Variants in ZFPM2 observed in about 807,000 individuals in gnomAD.
ZFPM2 encodes the protein zinc finger protein ZFPM2.
Under a neutral mutation model 98.6 loss-of-function variants are expected in ZFPM2, and 20 were observed. That is an observed-to-expected ratio of 0.20 (90% CI 0.14 to 0.29). ZFPM2 has a LOEUF of 0.29. ZFPM2 is among the 10% of genes least tolerant of loss of function. The pLI, the probability that ZFPM2 is intolerant of heterozygous loss-of-function variation, is 1.00. For missense variants in ZFPM2, 1,310 were observed against 1,388.6 expected, an observed-to-expected ratio of 0.94 and a Z score of 0.90; for synonymous variants, 518 against 502.7, an observed-to-expected ratio of 1.03 and a Z score of -0.41.
intron 5 of ZFPM2, among the ~76,000 whole-genome samples, chr8:105,763,346 A>G (rs1403892674): frequency 1.3e-5 from 2 of 151,850 alleles, no homozygotes; most frequent in Non-Finnish European, 2.9e-5. Flanking sequence ...GAAATCAATG[A>G]TATAAATCAC....
intron 5 of ZFPM2, among the ~76,000 whole-genome samples, chr8:105,656,674 A>G (rs371693132): frequency 6.6e-6 from 1 of 152,338 alleles, no homozygotes; most frequent in Admixed American, 6.5e-5. Context: ...GGCTGTGTCA[A>G]TAGAAGAATC....
chr8:105,632,166 TTTGTTTTGTA>T (rs1478539583), intron 4 of ZFPM2, among the ~76,000 whole-genome samples: 2 of 151,926 alleles, frequency 1.3e-5, no homozygotes, highest in African/African-American at 2.4e-5. Flanking sequence ...TTTGTTTTGT[TTTGTTTTGTA>T]TTGTTTTGTT....
intron 1 of ZFPM2, among the ~76,000 whole-genome samples, chr8:105,355,696 A>C (rs1812728253): frequency 6.6e-6 from 1 of 152,318 alleles, no homozygotes; most frequent in East Asian, 1.9e-4. Flanking sequence ...TCACAAGCCC[A>C]TTCATGTATT....
chr8:105,402,668 A>G (rs565597492), intron 1 of ZFPM2, among the ~76,000 whole-genome samples: 1 of 151,948 alleles, frequency 6.6e-6, no homozygotes. Flanking sequence ...ATTAGTCCCA[A>G]CAAGCATTTA....
intron 3 of ZFPM2, among the ~76,000 whole-genome samples, chr8:105,489,197 C>T (rs16873161): frequency 0.045 from 6,771 of 151,764 alleles, 244 homozygotes; most frequent in Admixed American, 0.13. Flanking sequence ...ACTGTGTCAC[C>T]GCATAGTCAT....
intron 3 of ZFPM2, among the ~76,000 whole-genome samples, chr8:105,447,775 T>C (rs903186300): frequency 6.6e-6 from 1 of 152,080 alleles, no homozygotes; most frequent in Admixed American, 6.6e-5. Flanking sequence ...TAAAAGAGTT[T>C]GATTGACGAC....
At chr8:105,733,723 A>G (rs1811998933) in intron 5 of ZFPM2, among the ~76,000 whole-genome samples, 1 of 151,774 alleles carries the variant, frequency 6.6e-6, no homozygotes. Flanking sequence ...ATTAAATTCT[A>G]TTTACTTTAG....
At chr8:105,412,359 T>G (rs1486345416) in intron 1 of ZFPM2, among the ~76,000 whole-genome samples, 1 of 151,780 alleles carries the variant, frequency 6.6e-6, no homozygotes, top group Non-Finnish European at 1.5e-5. Flanking sequence ...TCAGGTAATT[T>G]CCTTCAACTT....
At chr8:105,673,001 G>A (rs1162170586) in intron 5 of ZFPM2, among the ~76,000 whole-genome samples, 4 of 152,082 alleles carry the variant, frequency 2.6e-5, no homozygotes, top group East Asian at 1.9e-4. Context: ...TTGCTGAAAC[G>A]CTTTACTTGG....
intron 5 of ZFPM2, among the ~76,000 whole-genome samples, chr8:105,726,673 G>C (rs370025250): frequency 6.6e-6 from 1 of 151,922 alleles, no homozygotes; most frequent in East Asian, 2.0e-4. Flanking sequence ...TCCATGGAGT[G>C]AAAGGATGCA....
At chr8:105,445,807 G>T (rs1047833691) in intron 3 of ZFPM2, among the ~76,000 whole-genome samples, 88 of 151,826 alleles carry the variant, frequency 5.8e-4, no homozygotes, top group Non-Finnish European at 6.9e-4. Context: ...GTCTCACCAC[G>T]TGGCCCAGGC....
chr8:105,406,087 A>C (rs1241283899), intron 1 of ZFPM2, among the ~76,000 whole-genome samples: 10 of 152,110 alleles, frequency 6.6e-5, no homozygotes, highest in Admixed American at 3.9e-4. Context: ...TCTTTTGAGA[A>C]GTGTCTGTTC....
At chr8:105,740,933 T>C (rs1812201364) in intron 5 of ZFPM2, among the ~76,000 whole-genome samples, 1 of 151,982 alleles carries the variant, frequency 6.6e-6, no homozygotes, top group South Asian at 2.1e-4. Context: ...AAAGAAACAT[T>C]TGAGAAATCT....
At chr8:105,504,810 G>A (rs1229466647) in intron 3 of ZFPM2, among the ~76,000 whole-genome samples, 2 of 152,062 alleles carry the variant, frequency 1.3e-5, no homozygotes, top group Non-Finnish European at 2.9e-5. Flanking sequence ...GTTTACTTGG[G>A]TTCCTAGGGA....
chr8:105,625,310 CAATA>C (rs970099122), intron 4 of ZFPM2, among the ~76,000 whole-genome samples: 22 of 151,998 alleles, frequency 1.4e-4, no homozygotes, highest in African/African-American at 5.3e-4. Flanking sequence ...ATTTCCCAAA[CAATA>C]AACACAAATA....
chr8:105,600,405 A>G (rs1816067158), intron 4 of ZFPM2, among the ~76,000 whole-genome samples: 1 of 152,154 alleles, frequency 6.6e-6, no homozygotes, highest in Non-Finnish European at 1.5e-5. Context: ...CTGCATATGT[A>G]TAAAAAAATA....
chr8:105,652,820 G>A (rs556945265), intron 5 of ZFPM2, among the ~76,000 whole-genome samples: 2 of 152,014 alleles, frequency 1.3e-5, no homozygotes, highest in East Asian at 1.9e-4. Context: ...ACCTCTCCCC[G>A]AAAAAGATAC....
At chr8:105,702,509 A>G (rs1040004913) in intron 5 of ZFPM2, among the ~76,000 whole-genome samples, 1 of 152,182 alleles carries the variant, frequency 6.6e-6, no homozygotes, top group Non-Finnish European at 1.5e-5. Context: ...TTCAGTGCAA[A>G]ATGTTTGGTT....
intron 1 of ZFPM2, among the ~76,000 whole-genome samples, chr8:105,323,555 T>G (rs1306027696): frequency 6.6e-6 from 1 of 151,942 alleles, no homozygotes; most frequent in Non-Finnish European, 1.5e-5. Context: ...TACCTATTGC[T>G]TGTAAGATAG....
Sources: gnomAD v4.1 joint callset for allele counts (sites outside exome capture counted in the v4.1 genomes callset) on GRCh38, gnomAD v4.1.1 for gene constraint, MANE v1.5 for transcripts, NCBI Gene and HGNC (gene_info 2026-07-23, HGNC 2026-07-21) for gene names.